Variants in CDYL2 observed in about 807,000 individuals in gnomAD.
CDYL2 encodes chromodomain Y like 2.
CDYL2 carries 23 observed loss-of-function variants against 49.4 expected under a neutral mutation model. That is an observed-to-expected ratio of 0.47 (90% CI 0.34 to 0.66). CDYL2 has a LOEUF of 0.66. Ranked by LOEUF, CDYL2 falls within the 30% of genes least tolerant of loss-of-function variation. The pLI, the probability that CDYL2 is intolerant of heterozygous loss-of-function variation, is 0.01. For synonymous variants in CDYL2, 360 were observed against 268.8 expected, an observed-to-expected ratio of 1.34 and a Z score of -3.32; for missense variants, 678 against 656.4, an observed-to-expected ratio of 1.03 and a Z score of -0.36.
intron 1 of CDYL2, among the ~76,000 whole-genome samples, chr16:80,784,419 A>C (rs1382516263): frequency 6.6e-6 from 1 of 152,218 alleles, no homozygotes; most frequent in African/African-American, 2.4e-5. Flanking sequence ...CATGAGACTA[A>C]ATTAACTAAA....
intron 1 of CDYL2, among the ~76,000 whole-genome samples, chr16:80,725,718 G>C (rs1372528930): frequency 6.6e-5 from 10 of 152,202 alleles, no homozygotes; most frequent in Admixed American, 6.5e-4. Context: ...AAAAACACTT[G>C]GCATATTTTG....
intron 2 of CDYL2, among the ~76,000 whole-genome samples, chr16:80,649,660 C>G (rs1908501198): frequency 1.3e-5 from 2 of 152,092 alleles, no homozygotes; most frequent in South Asian, 4.1e-4. Context: ...ATAGCCAATG[C>G]TATCCTAAGC....
At chr16:80,680,805 G>A (rs1229870910) in intron 2 of CDYL2, among the ~76,000 whole-genome samples, 1 of 152,082 alleles carries the variant, frequency 6.6e-6, no homozygotes, top group Non-Finnish European at 1.5e-5. Flanking sequence ...GTACACACCT[G>A]TGGCTGTTAC....
At chr16:80,802,705 C>A (rs1191725809) in intron 1 of CDYL2, among the ~76,000 whole-genome samples, 1 of 152,318 alleles carries the variant, frequency 6.6e-6, no homozygotes. Flanking sequence ...ACTCCAGAAT[C>A]ATTCACAAGA....
At position 80,598,352 on chromosome 16, in the gene CDYL2, T is replaced by A. The variant is rs1905929144; in HGVS notation, c.*6036A>T. 6.6e-6 allele frequency: 1 copy of A among 152,150 alleles called. No homozygotes were observed. The highest frequency in any genetic ancestry group is 1.5e-5 in the Non-Finnish European group (1 of 68,024). 9.4% of individuals were successfully genotyped at this position (152,150 alleles called of 1,614,324 possible). A position where few individuals can be genotyped will look rare whatever the true frequency, so the allele number is the denominator to read the frequency against. ...ATAAGTTTTTGGTAGCCTGCTTCAT[T>A]ATCGGAAGTTTGGTAATAAGCCTTA... On this transcript the variant is annotated 3_prime_UTR_variant, in exon 7 of 7. Transcript: ENST00000570137.
chr16:80,639,672 GA>G, intron 2 of CDYL2: 1 of 455,800 alleles, frequency 2.2e-6, no homozygotes, highest in South Asian at 1.5e-5. Flanking sequence ...GCACTCACAG[GA>G]CCCGGTTTTA....
chr16:80,646,107 G>A (rs985128009), intron 2 of CDYL2, among the ~76,000 whole-genome samples: 6 of 151,486 alleles, frequency 4.0e-5, no homozygotes, highest in South Asian at 2.1e-4. Flanking sequence ...AAACCTGCAC[G>A]TTGTGTACAT....
intron 1 of CDYL2, among the ~76,000 whole-genome samples, chr16:80,735,779 C>A (rs1905501329): frequency 6.6e-6 from 1 of 152,224 alleles, no homozygotes; most frequent in Non-Finnish European, 1.5e-5. Context: ...ACCACCCCTT[C>A]CATTTGCATT....
At chr16:80,727,815 A>G (rs1002004180) in intron 1 of CDYL2, among the ~76,000 whole-genome samples, 12 of 152,298 alleles carry the variant, frequency 7.9e-5, no homozygotes, top group Admixed American at 6.5e-4. Flanking sequence ...AGCCTAACTG[A>G]AAGGCACCCC....
At chr16:80,779,303 ATCTT>A (rs1056492197) in intron 1 of CDYL2, among the ~76,000 whole-genome samples, 4 of 152,104 alleles carry the variant, frequency 2.6e-5, no homozygotes, top group Admixed American at 2.0e-4. Context: ...GGTTTTAAAA[ATCTT>A]TCTATTATCA....
At chr16:80,698,236 C>G (rs1343886625) in intron 1 of CDYL2, among the ~76,000 whole-genome samples, 2 of 152,024 alleles carry the variant, frequency 1.3e-5, no homozygotes, top group Non-Finnish European at 2.9e-5. Flanking sequence ...GCACAGGCAA[C>G]AAAAGCAAAA....
intron 1 of CDYL2, among the ~76,000 whole-genome samples, chr16:80,738,260 C>T (rs1440806772): frequency 6.6e-6 from 1 of 152,150 alleles, no homozygotes; most frequent in Admixed American, 6.5e-5. Flanking sequence ...TTTATCCAGT[C>T]TATCACTGGT....
rs13337248 is a variant in CDYL2 at position 80,736,994 on chromosome 16, G to C, written c.25-51865C>G. ...TCGTATTCAGATTTGGGATGGCTGA[G>C]ACTCTGCCTTTCTTTTGTTACGTGG... is the stretch of plus-strand genomic sequence containing the variant. On this transcript the variant is annotated intron_variant, in intron 1 of 6. Transcript: ENST00000570137. Among the ~76,000 whole-genome samples the C allele has an allele frequency of 4.2e-3, 639 of 152,302 alleles. 5 individuals carry two copies. The highest frequency in any genetic ancestry group is 0.015 in the African/African-American group (615 of 41,562).
At chr16:80,763,820 G>A (rs961195269) in intron 1 of CDYL2, among the ~76,000 whole-genome samples, 1 of 152,124 alleles carries the variant, frequency 6.6e-6, no homozygotes, top group African/African-American at 2.4e-5. Context: ...AAACACAGTG[G>A]TGAAGACAGA....
chr16:80,756,393 G>A (rs1906311432), intron 1 of CDYL2, among the ~76,000 whole-genome samples: 1 of 151,840 alleles, frequency 6.6e-6, no homozygotes, highest in Non-Finnish European at 1.5e-5. Flanking sequence ...TTGTTAACAA[G>A]AATAAAAGAA....
In CDYL2 at chr16:80,687,249, A is replaced by G. The variant is rs185947816; in HGVS notation, c.25-2120T>C. On this transcript the variant is annotated intron_variant, in intron 1 of 6. Transcript: ENST00000570137. ...TCCTGGGAGCTAAGGGATGTGGTGT[A>G]TTCTCATGGAAGCCTCCAGCTCTAG... 2.0e-5 allele frequency among the ~76,000 whole-genome samples: 3 copies of G among 152,354 alleles called. No homozygotes were observed. In the East Asian group the frequency reaches 5.8e-4, roughly 29 times the overall value.
At chr16:80,607,815 G>C (rs181357326) in intron 6 of CDYL2, among the ~76,000 whole-genome samples, 3 of 152,146 alleles carry the variant, frequency 2.0e-5, no homozygotes, top group Non-Finnish European at 4.4e-5. Flanking sequence ...TGGTGTTTAG[G>C]ACTTTCTTTG....
chr16:80,754,913 A>G lies in CDYL2; in HGVS notation c.24+49237T>C, dbSNP rs28647815. On this transcript the variant is annotated intron_variant, in intron 1 of 6. Transcript: ENST00000570137. Reference sequence around the variant, plus strand: ...GGGAAGGTAGACATTTGCTGTTTCAATGAGATGCCCCCATGATTTACGAGG... The same window carrying G: ...GGGAAGGTAGACATTTGCTGTTTCAGTGAGATGCCCCCATGATTTACGAGG... Among the ~76,000 whole-genome samples the G allele has an allele frequency of 9.2e-3, 1,393 of 152,238 alleles. 23 individuals are homozygous for G. Among genetic ancestry groups the G allele is most frequent in the African/African-American group, 0.033 (1,352 of 41,544 alleles).
chr16:80,784,885 G>A lies in CDYL2; in HGVS notation c.24+19265C>T, dbSNP rs1041105314. On this transcript the variant is annotated intron_variant, in intron 1 of 6. Coordinates refer to ENST00000570137, the MANE Select transcript of CDYL2 (RefSeq NM_152342.4). ...GAGGCATCCTTAGTGAAACAAGGATGTTTTTAGGGCTCAAAAGGGTAAGAG... is the reference window on the plus strand; with the variant it reads ...GAGGCATCCTTAGTGAAACAAGGATATTTTTAGGGCTCAAAAGGGTAAGAG... 3.3e-5 allele frequency among the ~76,000 whole-genome samples: 5 copies of A among 152,160 alleles called. No individual in the cohort carries two copies. The East Asian group carries it at 9.6e-4, about 29-fold the overall frequency.
Sources: gnomAD v4.1 joint callset for allele counts (sites outside exome capture counted in the v4.1 genomes callset) on GRCh38, gnomAD v4.1.1 for gene constraint, MANE v1.5 for transcripts, NCBI Gene and HGNC (gene_info 2026-07-23, HGNC 2026-07-21) for gene names.